Variants in SERINC4 observed in about 807,000 individuals in gnomAD.
SERINC4 encodes the protein serine incorporator 4.
Under a neutral mutation model 52.0 loss-of-function variants are expected in SERINC4, and 52 were observed. That is an observed-to-expected ratio of 1.00 (90% CI 0.80 to 1.26). The LOEUF (loss-of-function observed/expected upper bound fraction) is 1.26, where lower values mean the gene tolerates loss of function less well. Ranked by LOEUF, SERINC4 falls within the 50% of genes most tolerant of loss-of-function variation. The probability of loss-of-function intolerance (pLI) is 0.00; values close to 1 mark genes in which losing one functional copy is unlikely to be tolerated. For synonymous variants in SERINC4, 264 were observed against 247.7 expected, an observed-to-expected ratio of 1.07 and a Z score of -0.62; for missense variants, 723 against 632.8, an observed-to-expected ratio of 1.14 and a Z score of -1.53.
In SERINC4 at chr15:43,795,165, G is replaced by C; in HGVS notation, c.1392C>G (p.Ala464=). The change falls in exon 12 of 12, where the codon GCC becomes GCG. Residue 464 remains alanine (A), a synonymous_variant. Transcript: ENST00000319327. The part of the protein sequence containing the change: ...LEKTFIKGSW[A]TFWVKVASCW... Reference sequence around the variant, plus strand: ...ATGAGGCAACCTTGACCCAGAAGGTGGCCCAGCTACCCTTGATGAAGGTCT... The same window carrying C: ...ATGAGGCAACCTTGACCCAGAAGGTCGCCCAGCTACCCTTGATGAAGGTCT... 6.2e-7 allele frequency: 1 copy of C among 1,614,128 alleles called. No homozygotes were observed. Among genetic ancestry groups the C allele is most frequent in the East Asian group, 2.2e-5 (1 of 44,884 alleles).
Position 43,794,754 on chromosome 15 carries a change from AGCT to A in SERINC4, c.*243_*245del, listed in dbSNP as rs991444346. 8.8e-5 allele frequency: 41 copies of A among 465,312 alleles called. No homozygotes were observed. The highest frequency in any genetic ancestry group is 1.4e-4 in the Admixed American group (4 of 29,170). The allele number at this position is 465,312 out of a possible 1,614,324, so 28.8% of individuals were successfully genotyped here. On this transcript the variant is annotated 3_prime_UTR_variant, in exon 12 of 12. Transcript: ENST00000319327. ...TGCTGGGATCAGCGGTGGTTCTTTG[AGCT>A]GCTGATTTGGGTGTTAGGCTCTTGA... is the stretch of plus-strand genomic sequence containing the variant.
Position 43,799,004 on chromosome 15 carries a change from A to C in SERINC4, c.413T>G (p.Val138Gly), listed in dbSNP as rs1596048893. 1 of 1,550,488 alleles carries C rather than the reference A, an allele frequency of 6.4e-7. No homozygotes were observed. Among genetic ancestry groups the C allele is most frequent in the African/African-American group, 1.4e-5 (1 of 73,112 alleles). The change falls in exon 3 of 12, where the codon GTC becomes GGC. Residue 138 changes from valine to glycine, a missense_variant. Physicochemically the swap from Val to Gly is moderately radical, Grantham distance 109. Coordinates refer to ENST00000319327, the MANE Select transcript of SERINC4 (RefSeq NM_001258031.2). Reference protein sequence around the residue: ...TFHLLQAVLLVHLHSPTSPRA... With the variant: ...TFHLLQAVLLGHLHSPTSPRA... ...CGGGCTGGTGGGGGAGTGGAGGTGG[A>C]CCAGCAACACAGCCTGCAGCAGGTG...
chr15:43,796,717 G>C lies in SERINC4; in HGVS notation c.966C>G (p.Thr322=), dbSNP rs541648290. The change falls in exon 8 of 12, where the codon ACC becomes ACG. Residue 322 remains threonine, a synonymous_variant. Transcript: ENST00000319327. Reference sequence around the variant, plus strand: ...TTTTACTCAGGCCAGGCAGGCACAGGGTGTGATTCTGTCCTTGAAGGATTA... The same window carrying C: ...TTTTACTCAGGCCAGGCAGGCACAGCGTGTGATTCTGTCCTTGAAGGATTA... The part of the protein sequence containing the change: ...ERVILQGQNH[T]LCLPGLSKME... The C allele has an allele frequency of 1.9e-6, 3 of 1,614,134 alleles. No homozygotes were observed. Among genetic ancestry groups the C allele is most frequent in the Non-Finnish European group, 8.5e-7 (1 of 1,180,038 alleles).
chr15:43,795,324 G>T (rs1027149515), intron 11 of SERINC4, 64 bp downstream of exon 11: 44 of 1,603,222 alleles, frequency 2.7e-5, no homozygotes, highest in Non-Finnish European at 3.8e-5. Flanking sequence ...GAATGGCCTT[G>T]AATTGCTCTT....
chr15:43,796,719 T>C lies in SERINC4; in HGVS notation c.964A>G (p.Thr322Ala). ...ERVILQGQNH[T>A]LCLPGLSKME... ...TTACTCAGGCCAGGCAGGCACAGGG[T>C]GTGATTCTGTCCTTGAAGGATTACT... The change falls in exon 8 of 12, where the codon ACC becomes GCC. Residue 322 changes from threonine to alanine, a missense_variant. Coordinates refer to ENST00000319327, the MANE Select transcript of SERINC4 (RefSeq NM_001258031.2). 1 of 1,613,946 alleles carries C rather than the reference T, an allele frequency of 6.2e-7. No homozygotes were observed.
At chr15:43,799,285 G>T in intron 2 of SERINC4, 25 bp downstream of exon 2, 1 of 1,544,902 alleles carries the variant, frequency 6.5e-7, no homozygotes, top group South Asian at 1.2e-5. Flanking sequence ...CTTCCCACCT[G>T]ACAACCCGAC....
chr15:43,799,186 A>G (rs755742416), intron 2 of SERINC4, 49 bp from the exon 3 acceptor site: 32 of 1,520,582 alleles, frequency 2.1e-5, no homozygotes, highest in Non-Finnish European at 2.8e-5. Flanking sequence ...AATGCATGGA[A>G]AGGTACCTAC....
chr15:43,797,397 T>G (rs747068740), intron 5 of SERINC4, 41 bp from the exon 6 acceptor site: 6 of 1,080,642 alleles, frequency 5.6e-6, no homozygotes, highest in Middle Eastern at 3.5e-4. Context: ...GCTCCAGCAT[T>G]TTTTTTTTTT....
chr15:43,795,411 C>CATGACAT lies in SERINC4; in HGVS notation c.1313_1319dup (p.Met440IlefsTer13). 6.2e-7 allele frequency: 1 copy of CATGACAT among 1,614,128 alleles called. No homozygotes were observed. The highest frequency in any genetic ancestry group is 8.5e-7 in the Non-Finnish European group (1 of 1,180,034). ...ACCTGAACCAGTTGGTAAGGGTAAC[C>CATGACAT]ATGACATAGAGTGAGGCAAGGAAGA... On this transcript the variant is annotated frameshift_variant, in exon 11 of 12. Coordinates refer to ENST00000319327, the MANE Select transcript of SERINC4 (RefSeq NM_001258031.2). LOFTEE classifies it high-confidence loss of function.
At chr15:43,798,341 AC>A (rs1242731417) in intron 4 of SERINC4, 83 bp downstream of exon 4, 1 of 1,052,570 alleles carries the variant, frequency 9.5e-7, no homozygotes, top group Non-Finnish European at 1.5e-6. Context: ...GAGCCACTGC[AC>A]CCGGCCATTA....
chr15:43,799,533 G>A (rs1223025649), intron 1 of SERINC4, 47 bp from the exon 2 acceptor site: 1 of 1,549,312 alleles, frequency 6.5e-7, no homozygotes, highest in Non-Finnish European at 8.7e-7. Flanking sequence ...ACTTGCTGAG[G>A]AAAGGCATAC....
rs1195703909 is a variant in SERINC4 at position 43,797,253 on chromosome 15, A to G, written c.736T>C (p.Tyr246His). ...AGGCAGCCAGCTGGGTGTGTATAAT[A>G]GTGGAATAGGAGCACAGCTCCCACA... ...AGVGAVLLFH[Y>H]YTHPAGCLLN... Residue 246 changes from tyrosine to histidine, a missense_variant, in exon 6 of 12, where the codon TAT becomes CAT. By Grantham distance (83) the Tyr-to-His change is moderately conservative (BLOSUM62 2). Coordinates refer to ENST00000319327, the MANE Select transcript of SERINC4 (RefSeq NM_001258031.2). The G allele has an allele frequency of 1.3e-6, 2 of 1,550,520 alleles. No homozygotes were observed. Among genetic ancestry groups the G allele is most frequent in the Admixed American group, 2.0e-5 (1 of 50,986 alleles).
Position 43,795,044 on chromosome 15 carries a change from G to C in SERINC4, c.1513C>G (p.Arg505Gly), listed in dbSNP as rs145705656. 1 of 1,612,700 alleles carries C rather than the reference G, an allele frequency of 6.2e-7. No individual in the cohort carries two copies. Among genetic ancestry groups the C allele is most frequent in the East Asian group, 2.2e-5 (1 of 44,874 alleles). ...TTATCTGGGGATATGATGCGGTGGC[G>C]GCGGCGCCTCAAGATAAGGGGCTGG... ...KPQPLILRRR[R>G]HRIISPDNKY... Residue 505 changes from arginine to glycine, a missense_variant, in exon 12 of 12, where the codon CGC becomes GGC. Arg to Gly is a moderately radical substitution (Grantham distance 125, BLOSUM62 -2). Transcript: ENST00000319327.
Position 43,797,174 on chromosome 15 carries a change from A to T in SERINC4, c.815T>A (p.Phe272Tyr). The T allele has an allele frequency of 6.4e-7, 1 of 1,551,192 alleles. No homozygotes were observed. Among genetic ancestry groups the T allele is most frequent in the Non-Finnish European group, 8.7e-7 (1 of 1,147,028 alleles). Residue 272 changes from phenylalanine (F) to tyrosine (Y), a missense_variant, in exon 6 of 12, where the codon TTC becomes TAC. Phe to Tyr is a conservative substitution (Grantham distance 22). Coordinates refer to ENST00000319327, the MANE Select transcript of SERINC4 (RefSeq NM_001258031.2). ...GCGGATGCAAGGAGCGATGGAGAGG[A>T]AGGAGATGAGGCCACAGAAGCAAAG... ...LHLCFCGLISFLSIAPCIRLK... is the reference protein window; with the variant it reads ...LHLCFCGLISYLSIAPCIRLK...
rs374113255 is a variant in SERINC4 at position 43,795,140 on chromosome 15, A to C, written c.1417T>G (p.Cys473Gly). 1 of 1,614,154 alleles carries C rather than the reference A, an allele frequency of 6.2e-7. No homozygotes were observed. Among genetic ancestry groups the C allele is most frequent in the African/African-American group, 1.3e-5 (1 of 75,038 alleles). ...WATFWVKVAS[C>G]WACVLLYLGL... The stretch of plus-strand genomic sequence containing the variant: ...AGATAGAGGAGTACGCAGGCCCAGC[A>C]TGAGGCAACCTTGACCCAGAAGGTG... Residue 473 changes from cysteine to glycine, a missense_variant, in exon 12 of 12, where the codon TGC (cysteine) becomes GGC (glycine). By Grantham distance (159) the Cys-to-Gly change is radical. Transcript: ENST00000319327.
At chr15:43,798,567 C>T (rs2087256955) in intron 3 of SERINC4, 63 bp from the exon 4 acceptor site, 2 of 1,283,426 alleles carry the variant, frequency 1.6e-6, no homozygotes, top group African/African-American at 1.5e-5. Context: ...TGAAGAGTGC[C>T]TATGGGGAAA....
rs747617639 is a variant in SERINC4 at position 43,796,852 on chromosome 15, T to C, written c.933A>G (p.Pro311=). ...CCAGGTCCTGTCCCTTACCTCTCTC[T>C]GGAGGACGGCTGGACAGTGCAGAGA... is the stretch of plus-strand genomic sequence containing the variant. The part of the protein sequence containing the change: ...LTFSALSSRP[P]ERVILQGQNH... The change falls in exon 7 of 12, where the codon CCA becomes CCG. Residue 311 remains proline (P), a synonymous_variant. Transcript: ENST00000319327. The C allele has an allele frequency of 3.1e-5, 50 of 1,613,922 alleles. No homozygotes were observed. Among genetic ancestry groups the C allele is most frequent in the Admixed American group, 2.0e-4 (12 of 59,990 alleles).
chr15:43,799,461 C>A lies in SERINC4; in HGVS notation c.128G>T (p.Cys43Phe), dbSNP rs755799554. The stretch of plus-strand genomic sequence containing the variant: ...CCACCTAGAGTGGCAGCAGCTGGCA[C>A]AAGGAGCAGGCCCACAGCAGCACAC... The part of the protein sequence containing the change: ...CQVCCCGPAP[C>F]ASCCHSRWPS... Residue 43 changes from cysteine to phenylalanine, a missense_variant, in exon 2 of 12, where the codon TGT (cysteine) becomes TTT (phenylalanine). Coordinates refer to ENST00000319327, the MANE Select transcript of SERINC4 (RefSeq NM_001258031.2). 1.5e-5 allele frequency: 24 copies of A among 1,550,748 alleles called. No homozygotes were observed. In the South Asian group the frequency reaches 2.7e-4, roughly 18 times the overall value.
In SERINC4 at chr15:43,798,987, T is replaced by C; in HGVS notation, c.430A>G (p.Thr144Ala). The change falls in exon 3 of 12, where the codon ACC (threonine) becomes GCC (alanine). Residue 144 changes from threonine (T) to alanine (A), a missense_variant. Physicochemically the swap from Thr to Ala is moderately conservative, Grantham distance 58. Coordinates refer to ENST00000319327, the MANE Select transcript of SERINC4 (RefSeq NM_001258031.2). ...TTATGCAGCTGTGCCCGCGGGCTGG[T>C]GGGGGAGTGGAGGTGGACCAGCAAC... ...AVLLVHLHSP[T>A]SPRAQLHNSF... 1 of 1,549,954 alleles carries C rather than the reference T, an allele frequency of 6.5e-7. No homozygotes were observed.
Sources: gnomAD v4.1 joint callset for allele counts on GRCh38, gnomAD v4.1.1 for gene constraint, MANE v1.5 for transcripts, NCBI Gene and HGNC (gene_info 2026-07-23, HGNC 2026-07-21) for gene names.